BMP2K: variants seen among roughly 807,000 people sequenced by gnomAD.
BMP2K encodes the protein BMP2 inducible kinase.
In BMP2K, 74 loss-of-function variants were observed where a neutral mutation model predicts 116.0. The ratio of observed to expected loss-of-function variants is 0.64; its 90% confidence interval spans 0.53 to 0.77. BMP2K has a LOEUF of 0.77. Ranked by LOEUF, BMP2K falls within the 30% of genes least tolerant of loss-of-function variation. The pLI, the probability that BMP2K is intolerant of heterozygous loss-of-function variation, is 0.00. For missense variants in BMP2K, 1,365 were observed against 1,403.6 expected, an observed-to-expected ratio of 0.97 and a Z score of 0.44; for synonymous variants, 486 against 502.5, an observed-to-expected ratio of 0.97 and a Z score of 0.44.
intron 1 of BMP2K, among the ~76,000 whole-genome samples, chr4:78,816,387 T>G (rs1018787613): frequency 1.3e-5 from 2 of 152,186 alleles, no homozygotes; most frequent in African/African-American, 4.8e-5. Context: ...CATCTATGAT[T>G]TTAGCATACA....
At chr4:78,888,583 C>T (rs1443592553) in intron 15 of BMP2K, among the ~76,000 whole-genome samples, 2 of 151,988 alleles carry the variant, frequency 1.3e-5, no homozygotes, top group African/African-American at 4.8e-5. Flanking sequence ...CTGAAAGAAC[C>T]CTGGGGAAAT....
At position 78,796,499 on chromosome 4, in the gene BMP2K, C is replaced by A. The variant is rs1321906373; in HGVS notation, c.178+19778C>A. On this transcript the variant is annotated intron_variant, in intron 1 of 15. Coordinates refer to ENST00000502613, the MANE Select transcript of BMP2K (RefSeq NM_198892.2). ...CATGTATACATATGTAACTAACCTG[C>A]ACAATGTGCACATGTACCCTAAAAC... is the stretch of plus-strand genomic sequence containing the variant. 4.0e-5 allele frequency among the ~76,000 whole-genome samples: 6 copies of A among 151,894 alleles called. No individual in the cohort carries two copies. In the East Asian group the frequency reaches 1.2e-3, roughly 29 times the overall value.
intron 2 of BMP2K, among the ~76,000 whole-genome samples, chr4:78,833,195 G>A (rs909452013): frequency 4.6e-5 from 7 of 151,928 alleles, no homozygotes; most frequent in African/African-American, 1.7e-4. Flanking sequence ...TATGTTGCAG[G>A]CAAAATAAAT....
chr4:78,899,577 A>C (rs1733889918), intron 15 of BMP2K, among the ~76,000 whole-genome samples: 1 of 152,158 alleles, frequency 6.6e-6, no homozygotes, highest in South Asian at 2.1e-4. Context: ...GTGAAGAGGC[A>C]AGACAAAGGA....
At chr4:78,905,675 T>C (rs1383335506) in intron 15 of BMP2K, among the ~76,000 whole-genome samples, 4 of 152,052 alleles carry the variant, frequency 2.6e-5, no homozygotes, top group Non-Finnish European at 5.9e-5. Context: ...GCAACATATT[T>C]AGGCTTATAC....
chr4:78,820,722 C>A (rs1729575771), intron 1 of BMP2K: 1 of 152,346 alleles, frequency 6.6e-6, no homozygotes, highest in Admixed American at 6.5e-5. Context: ...CAGGCATGTG[C>A]CATCACACCC....
At chr4:78,830,354 G>A (rs960220381) in intron 2 of BMP2K, among the ~76,000 whole-genome samples, 6 of 152,098 alleles carry the variant, frequency 3.9e-5, no homozygotes, top group African/African-American at 7.2e-5. Flanking sequence ...AGGCTTTGTT[G>A]TTTTATTTAT....
intron 13 of BMP2K, among the ~76,000 whole-genome samples, chr4:78,875,697 G>C (rs1278792575): frequency 1.3e-5 from 2 of 152,196 alleles, no homozygotes; most frequent in Admixed American, 6.5e-5. Context: ...GTCCTCTGAA[G>C]GCTTGGCTGG....
At chr4:78,779,919 T>A (rs945730021) in intron 1 of BMP2K, among the ~76,000 whole-genome samples, 7 of 152,212 alleles carry the variant, frequency 4.6e-5, no homozygotes, top group Non-Finnish European at 1.0e-4. Context: ...TTCATGTTTT[T>A]TTTCTCAAAA....
chr4:78,779,220 A>G (rs1434291570), intron 1 of BMP2K, among the ~76,000 whole-genome samples: 1 of 152,216 alleles, frequency 6.6e-6, no homozygotes, highest in Non-Finnish European at 1.5e-5. Flanking sequence ...TTGTCAACTG[A>G]TCAAGATACA....
chr4:78,829,835 C>CTCTTCTCTTG (rs1273552568), intron 2 of BMP2K, among the ~76,000 whole-genome samples: 1 of 137,830 alleles, frequency 7.3e-6, no homozygotes, highest in Non-Finnish European at 1.5e-5. Context: ...CTCTTCTCTT[C>CTCTTCTCTTG]TCTTCTCTTC....
intron 2 of BMP2K, among the ~76,000 whole-genome samples, chr4:78,827,919 G>A (rs1369100738): frequency 1.3e-5 from 2 of 152,204 alleles, no homozygotes; most frequent in Non-Finnish European, 2.9e-5. Context: ...ACTCCTTGTT[G>A]GTCAATTAAG....
At chr4:78,862,733 G>A (rs968010550) in intron 9 of BMP2K, among the ~76,000 whole-genome samples, 2 of 151,954 alleles carry the variant, frequency 1.3e-5, no homozygotes, top group African/African-American at 2.4e-5. Flanking sequence ...TTTCATTTGC[G>A]AATGACTTAT....
intron 1 of BMP2K, among the ~76,000 whole-genome samples, chr4:78,788,943 TGTG>T (rs1039833426): frequency 6.6e-6 from 1 of 150,906 alleles, no homozygotes; most frequent in African/African-American, 2.4e-5. Context: ...TTCAAAAAGT[TGTG>T]GTGGGCCATT....
rs138262352 is a variant in BMP2K at position 78,912,028 on chromosome 4, C to G, written c.3481C>G (p.Gln1161Glu). The G allele has an allele frequency of 7.8e-4, 1,244 of 1,601,244 alleles. 2 individuals carry two copies. The highest frequency in any genetic ancestry group is 9.2e-4 in the Non-Finnish European group (1,083 of 1,172,476). Residue 1161 changes from glutamine to glutamate, a missense_variant, in exon 16 of 16, where the codon CAG becomes GAG. Coordinates refer to ENST00000502613, the MANE Select transcript of BMP2K (RefSeq NM_198892.2). ...TGGTGCTGCTCCATTTCCTTCTAAA[C>G]AGTAGATACTTCTGATGGATTCTCG... ...PFGAAPFPSK[Q>E]
At chr4:78,894,761 C>G (rs1019859360) in intron 15 of BMP2K, among the ~76,000 whole-genome samples, 1 of 152,180 alleles carries the variant, frequency 6.6e-6, no homozygotes, top group Non-Finnish European at 1.5e-5. Context: ...AGCTTTTGAC[C>G]TATCTCAGCT....
At chr4:78,868,549 C>T (rs2110055549) in intron 10 of BMP2K, among the ~76,000 whole-genome samples, 1 of 152,240 alleles carries the variant, frequency 6.6e-6, no homozygotes, top group South Asian at 2.1e-4. Context: ...AGCATTAACC[C>T]AAAAGTCCAC....
intron 1 of BMP2K, among the ~76,000 whole-genome samples, chr4:78,786,163 A>G (rs150382581): frequency 2.3e-3 from 346 of 152,186 alleles, no homozygotes; most frequent in Non-Finnish European, 3.4e-3. Context: ...AGGTGATGCT[A>G]TTTAGTGATG....
chr4:78,777,153 G>C (rs1158514817), intron 1 of BMP2K, among the ~76,000 whole-genome samples: 1 of 152,036 alleles, frequency 6.6e-6, no homozygotes, highest in African/African-American at 2.4e-5. Flanking sequence ...GGACCCTGCA[G>C]CCCCTGGTGT....
Sources: allele counts gnomAD v4.1 joint callset (sites outside exome capture counted in the v4.1 genomes callset), GRCh38; gene constraint gnomAD v4.1.1; transcripts MANE v1.5; gene names NCBI Gene and HGNC (gene_info 2026-07-23, HGNC 2026-07-21).